TRIM33: variants seen among roughly 807,000 people sequenced by gnomAD.
TRIM33 encodes the protein E3 ubiquitin-protein ligase TRIM33.
A neutral mutation model predicts 125.4 loss-of-function variants in TRIM33; 20 were observed. The ratio of observed to expected loss-of-function variants is 0.16; its 90% CI spans 0.11 to 0.23. TRIM33 has a LOEUF of 0.23. Ranked by LOEUF, TRIM33 falls within the 10% of genes least tolerant of loss-of-function variation. The pLI, the probability that TRIM33 is intolerant of heterozygous loss-of-function variation, is 1.00. For missense variants in TRIM33, 920 were observed against 1,411.4 expected (o/e 0.65, Z 5.58); for synonymous variants, 564 against 513.9 (o/e 1.10, Z -1.32).
chr1:114,418,085 A>AT (rs1186626743), intron 11 of TRIM33, among the ~76,000 whole-genome samples: 1 of 152,236 alleles, frequency 6.6e-6, no homozygotes, highest in African/African-American at 2.4e-5. Flanking sequence ...AGCGGTTTAA[A>AT]TTGACTCACA....
intron 1 of TRIM33, among the ~76,000 whole-genome samples, chr1:114,478,751 C>T (rs758946369): frequency 6.6e-5 from 10 of 152,156 alleles, no homozygotes; most frequent in Non-Finnish European, 1.5e-4. Flanking sequence ...ATCTGGGCTT[C>T]AATAATACAC....
At chr1:114,509,691 T>C (rs1217371066) in intron 1 of TRIM33, among the ~76,000 whole-genome samples, 5 of 152,168 alleles carry the variant, frequency 3.3e-5, no homozygotes, top group African/African-American at 1.2e-4. Flanking sequence ...GTTCATGGAT[T>C]TCCTTTCCTG....
rs1647514086 is a variant in TRIM33 at position 114,425,584 on chromosome 1, T to C, written c.1560A>G (p.Gln520=). 1 of 1,614,172 alleles carries C rather than the reference T, an allele frequency of 6.2e-7. No individual in the cohort carries two copies. The highest frequency in any genetic ancestry group is 8.5e-7 in the Non-Finnish European group (1 of 1,180,028). ...NLAQLRLQHM[Q]QQVYAQKHQQ... is the part of the protein sequence containing the mutation. ...GATGTTTCTGTGCATATACTTGTTG[T>C]TGCATGTGCTGGAGTCGAAGCTGTG... The change falls in exon 9 of 20, where the codon CAA becomes CAG. Residue 520 remains glutamine, a synonymous_variant. Transcript: ENST00000358465.
chr1:114,427,562 A>C (rs971244203), intron 7 of TRIM33, among the ~76,000 whole-genome samples, 186 bp downstream of exon 7: 5 of 152,130 alleles, frequency 3.3e-5, no homozygotes, highest in African/African-American at 1.2e-4. Flanking sequence ...AAAATGACAG[A>C]AATCAGATTA....
At chr1:114,473,409 G>A (rs1159155539) in intron 1 of TRIM33, among the ~76,000 whole-genome samples, 3 of 152,114 alleles carry the variant, frequency 2.0e-5, no homozygotes, top group Admixed American at 2.0e-4. Flanking sequence ...CCCTGCTGCT[G>A]TGTTGTTCCC....
chr1:114,401,520 C>A, intron 16 of TRIM33, 57 bp from the exon 17 acceptor site: 1 of 1,446,124 alleles, frequency 6.9e-7, no homozygotes, highest in South Asian at 1.2e-5. Flanking sequence ...ATAAAACATT[C>A]TCGAGAATGA....
intron 1 of TRIM33, among the ~76,000 whole-genome samples, chr1:114,478,745 G>A (rs1651122714): frequency 6.6e-6 from 1 of 152,140 alleles, no homozygotes; most frequent in Admixed American, 6.5e-5. Flanking sequence ...CTACATATCT[G>A]GGCTTCAATA....
At chr1:114,450,665 C>T (rs1373009375) in intron 4 of TRIM33, among the ~76,000 whole-genome samples, 1 of 152,146 alleles carries the variant, frequency 6.6e-6, no homozygotes, top group Non-Finnish European at 1.5e-5. Flanking sequence ...AGTGCTAGGA[C>T]TACAGGTATG....
intron 4 of TRIM33, among the ~76,000 whole-genome samples, chr1:114,461,221 T>A (rs372847914): frequency 0.14 from 19,681 of 142,426 alleles, 1,554 homozygotes; most frequent in African/African-American, 0.21. Context: ...TAAAAATATA[T>A]ATATATATAT....
At chr1:114,489,581 A>C (rs1321524653) in intron 1 of TRIM33, among the ~76,000 whole-genome samples, 2 of 150,640 alleles carry the variant, frequency 1.3e-5, no homozygotes, top group South Asian at 2.1e-4. Flanking sequence ...CTGTCTCTAC[A>C]AAAAAAAATA....
At chr1:114,442,603 G>C (rs1038903017) in intron 4 of TRIM33, among the ~76,000 whole-genome samples, 1 of 147,676 alleles carries the variant, frequency 6.8e-6, no homozygotes, top group Non-Finnish European at 1.5e-5. Flanking sequence ...CAGGAGAATA[G>C]CTTGAACCCA....
chr1:114,425,338 T>C (rs999109444), intron 9 of TRIM33, 111 bp downstream of exon 9: 3 of 1,380,210 alleles, frequency 2.2e-6, no homozygotes, highest in Non-Finnish European at 3.0e-6. Context: ...ACTTTTGAAC[T>C]CTGCTCAGTC....
rs1444184998 is a variant in TRIM33, at chr1:114,510,918, G to T, written c.159C>A (p.Ala53=). Residue 53 remains alanine, a synonymous_variant, in exon 1 of 20, where the codon GCC becomes GCA. Transcript: ENST00000358465. Reference sequence around the variant, plus strand: ...GCCCGGCCGCGCCGCCCTCAGCGCCGGCCCTGCCGCCTTCCTCCTCCTCCT... The same window carrying T: ...GCCCGGCCGCGCCGCCCTCAGCGCCTGCCCTGCCGCCTTCCTCCTCCTCCT... ...VEEEEEEGGR[A]GAEGGAAGPD... is the part of the protein sequence containing the mutation. The T allele has an allele frequency of 2.1e-6, 3 of 1,418,194 alleles. No individual in the cohort carries two copies. The African/African-American group carries it at 4.5e-5, about 21-fold the overall frequency. 87.9% of individuals were successfully genotyped at this position (1,418,194 alleles called of 1,614,324 possible). A position where few individuals can be genotyped will look rare whatever the true frequency, so the allele number is the denominator to read the frequency against.
At chr1:114,505,364 G>A (rs1202606846) in intron 1 of TRIM33, among the ~76,000 whole-genome samples, 1 of 152,074 alleles carries the variant, frequency 6.6e-6, no homozygotes, top group African/African-American at 2.4e-5. Flanking sequence ...ACTGAGGCCA[G>A]AACTGTCATA....
At chr1:114,479,956 G>A (rs966843393) in intron 1 of TRIM33, among the ~76,000 whole-genome samples, 47 of 152,172 alleles carry the variant, frequency 3.1e-4, no homozygotes, top group Non-Finnish European at 4.4e-4. Flanking sequence ...CCCTCTGCCC[G>A]GCCGCCACCC....
At position 114,427,303 on chromosome 1, in the gene TRIM33, G is replaced by C; in HGVS notation, c.1303-9C>G. 1.4e-6 allele frequency: 2 copies of C among 1,399,928 alleles called. No homozygotes were observed. Among genetic ancestry groups the C allele is most frequent in the Non-Finnish European group, 2.0e-6 (2 of 1,009,308 alleles). The allele number at this position is 1,399,928 out of a possible 1,614,324, so 86.7% of individuals were successfully genotyped here. ...CGCAACTGGAAAGTAATCTTAAAGG[G>C]AAAAAAATCCACATTAGTCTCAAAA... On this transcript the variant is annotated splice_polypyrimidine_tract_variant and intron_variant, in intron 7 of 19. Coordinates refer to ENST00000358465, the MANE Select transcript of TRIM33 (RefSeq NM_015906.4).
At chr1:114,400,718 C>A (rs1236939048) in intron 17 of TRIM33, among the ~76,000 whole-genome samples, 5 of 152,120 alleles carry the variant, frequency 3.3e-5, no homozygotes, top group African/African-American at 1.2e-4. Context: ...CTCTAACAGG[C>A]CTGGTATGTA....
At chr1:114,403,189 A>C (rs1002590721) in intron 15 of TRIM33, among the ~76,000 whole-genome samples, 3 of 152,222 alleles carry the variant, frequency 2.0e-5, no homozygotes, top group African/African-American at 7.2e-5. Flanking sequence ...ATTCTCTCAG[A>C]TCCCAGTATC....
chr1:114,502,129 A>G (rs1652755458), intron 1 of TRIM33, among the ~76,000 whole-genome samples: 2 of 152,374 alleles, frequency 1.3e-5, no homozygotes, highest in South Asian at 4.1e-4. Context: ...ACTTCAGTTA[A>G]TAAGTACTTT....
Sources: allele counts gnomAD v4.1 joint callset (sites outside exome capture counted in the v4.1 genomes callset), GRCh38; gene constraint gnomAD v4.1.1; transcripts MANE v1.5; gene names NCBI Gene and HGNC (gene_info 2026-07-23, HGNC 2026-07-21).